Variants in ZNF69 observed in about 807,000 individuals in gnomAD.
The protein encoded by ZNF69 is ZNF3.
In ZNF69, 47 loss-of-function variants were observed where a neutral mutation model predicts 50.9. That is an observed-to-expected ratio of 0.92 (90% CI 0.73 to 1.18). ZNF69 has a LOEUF of 1.18. ZNF69 is among the 50% of genes most tolerant of loss of function. The pLI is 0.00. For missense variants in ZNF69, 717 were observed against 675.1 expected (o/e 1.06, Z -0.69); for synonymous variants, 216 against 223.1 (o/e 0.97, Z 0.29).
chr19:11,929,108 C>G, the ZNF69 span, among the ~76,000 whole-genome samples: 1 of 148,318 alleles, frequency 6.7e-6, no homozygotes, highest in Non-Finnish European at 1.5e-5. Flanking sequence ...ACCCCATGAT[C>G]ACATTGCTTC....
At chr19:11,915,009 GC>G (rs1972509369), downstream of ZNF69, among the ~76,000 whole-genome samples, 1 of 152,166 alleles carries the variant, frequency 6.6e-6, no homozygotes, top group Admixed American at 6.5e-5. Flanking sequence ...TTCAAGACAA[GC>G]CTGACCAACA....
chr19:11,963,573 C>A, the ZNF69 span, among the ~76,000 whole-genome samples: 1 of 152,164 alleles, frequency 6.6e-6, no homozygotes, highest in African/African-American at 2.4e-5. Context: ...TCAATGACTT[C>A]TTTGTCATCA....
At chr19:11,950,311 A>T in the ZNF69 span, 1 of 1,543,926 alleles carries the variant, frequency 6.5e-7, no homozygotes, top group Non-Finnish European at 8.8e-7. Context: ...CTATGAATGC[A>T]AGCAATGTGG....
At chr19:11,897,073 G>T (rs1029567502) in intron 1 of ZNF69, among the ~76,000 whole-genome samples, 1 of 152,176 alleles carries the variant, frequency 6.6e-6, no homozygotes, top group Non-Finnish European at 1.5e-5. Context: ...TAGTGGCTGG[G>T]CATGGTGGCT....
the ZNF69 span, among the ~76,000 whole-genome samples, chr19:11,924,744 T>G: frequency 2.6e-5 from 4 of 152,300 alleles, no homozygotes; most frequent in East Asian, 7.7e-4. Flanking sequence ...TCGGTTCCCC[T>G]GCTGCTCTGA....
chr19:11,958,250 T>C, the ZNF69 span, among the ~76,000 whole-genome samples: 1 of 147,284 alleles, frequency 6.8e-6, no homozygotes, highest in African/African-American at 2.7e-5. Context: ...GGTAGTTCTA[T>C]CAAATTATGG....
chr19:11,977,059 G>A, the ZNF69 span: 2 of 1,614,164 alleles, frequency 1.2e-6, no homozygotes, highest in East Asian at 4.5e-5. Flanking sequence ...CTGTGAGGAT[G>A]TTGCTGTGAA....
chr19:11,953,552 T>C, the ZNF69 span, among the ~76,000 whole-genome samples: 2 of 152,218 alleles, frequency 1.3e-5, no homozygotes, highest in East Asian at 3.8e-4. Flanking sequence ...AAATAAGTTA[T>C]TTTAGCAATC....
chr19:11,932,497 C>T, the ZNF69 span, among the ~76,000 whole-genome samples: 1 of 148,322 alleles, frequency 6.7e-6, no homozygotes, highest in South Asian at 2.1e-4. Flanking sequence ...AAAAGAGTTG[C>T]ACAATGAATC....
the ZNF69 span, among the ~76,000 whole-genome samples, chr19:11,941,165 T>G: frequency 6.6e-6 from 1 of 152,240 alleles, no homozygotes; most frequent in Non-Finnish European, 1.5e-5. Context: ...TTGGTGCATT[T>G]ACAATCCCTG....
chr19:11,974,501 T>G, the ZNF69 span, among the ~76,000 whole-genome samples: 1 of 151,910 alleles, frequency 6.6e-6, no homozygotes, highest in African/African-American at 2.4e-5. Flanking sequence ...TGGCCTGTTT[T>G]AATTTACTCT....
the ZNF69 span, among the ~76,000 whole-genome samples, chr19:11,938,762 A>C: frequency 3.3e-5 from 5 of 152,190 alleles, no homozygotes; most frequent in Admixed American, 6.5e-5. Flanking sequence ...GGCTGGATCA[A>C]ATGGTATTTC....
At chr19:11,951,066 G>A in the ZNF69 span, among the ~76,000 whole-genome samples, 7 of 147,120 alleles carry the variant, frequency 4.8e-5, no homozygotes, top group East Asian at 6.2e-4. Context: ...CAGGAGAATC[G>A]CTTGAACCTG....
rs565164795 is a variant in ZNF69, at chr19:11,903,524, A to G, written c.64-49A>G. The G allele has an allele frequency of 2.7e-5, 44 of 1,609,420 alleles. 1 individual carries two copies. The South Asian group carries it at 4.3e-4, about 16-fold the overall frequency. ...TCTTGAGAATAGAGTCTAGGCCCCC[A>G]GTGCTGTCACTCTCACCCATCCTCC... On this transcript the variant is annotated intron_variant, in intron 1 of 3. Transcript: ENST00000429654.
chr19:11,937,488 TCC>T, the ZNF69 span, among the ~76,000 whole-genome samples: 2,656 of 140,362 alleles, frequency 0.019, 119 homozygotes, highest in African/African-American at 0.06. Context: ...TTTTTTTCTT[TCC>T]TTTTTTTTTT....
At chr19:11,967,103 G>C in the ZNF69 span, among the ~76,000 whole-genome samples, 8 of 152,224 alleles carry the variant, frequency 5.3e-5, no homozygotes, top group Non-Finnish European at 1.0e-4. Context: ...TCAAGGCCAA[G>C]GCGGGAGGAT....
At chr19:11,889,037 G>A (rs956877130) in intron 1 of ZNF69, among the ~76,000 whole-genome samples, 18 of 152,236 alleles carry the variant, frequency 1.2e-4, no homozygotes, top group East Asian at 3.9e-4. Flanking sequence ...AGGCACAGGT[G>A]GTTGAGGGAT....
the ZNF69 span, among the ~76,000 whole-genome samples, chr19:11,965,659 A>G: frequency 6.6e-6 from 1 of 152,256 alleles, no homozygotes; most frequent in African/African-American, 2.4e-5. Context: ...ACAGCAATTC[A>G]GTAATGAGAA....
chr19:11,895,648 G>A (rs1977207454), intron 1 of ZNF69, among the ~76,000 whole-genome samples: 1 of 152,172 alleles, frequency 6.6e-6, no homozygotes, highest in Non-Finnish European at 1.5e-5. Flanking sequence ...ATGGGAGGAG[G>A]TGGAGAACTA....
Sources: allele counts gnomAD v4.1 joint callset (sites outside exome capture counted in the v4.1 genomes callset), GRCh38; gene constraint gnomAD v4.1.1; transcripts MANE v1.5; gene names NCBI Gene and HGNC (gene_info 2026-07-23, HGNC 2026-07-21).